The following ATP9A variants were observed in gnomAD, a reference collection of about 807,000 sequenced individuals.
ATP9A encodes the protein probable phospholipid-transporting ATPase IIA.
In ATP9A, 52 loss-of-function variants were observed where a neutral mutation model predicts 144.1. The ratio of observed to expected loss-of-function variants is 0.36; its 90% CI spans 0.29 to 0.45. The LOEUF (loss-of-function observed/expected upper bound fraction) is 0.45. Ranked by LOEUF, ATP9A falls within the 20% of genes least tolerant of loss-of-function variation. The pLI, the probability that ATP9A is intolerant of heterozygous loss-of-function variation, is 1.00. For synonymous variants in ATP9A, 582 were observed against 557.4 expected (o/e 1.04, Z -0.62); for missense variants, 947 against 1,392.7 (o/e 0.68, Z 5.09).
intron 4 of ATP9A, among the ~76,000 whole-genome samples, chr20:51,707,567 A>G (rs1028577986): frequency 6.6e-6 from 1 of 152,132 alleles, no homozygotes; most frequent in Admixed American, 6.6e-5. Context: ...CTGAGAACTT[A>G]AAGGATCTAC....
intron 4 of ATP9A, among the ~76,000 whole-genome samples, chr20:51,702,310 A>T (rs891456073): frequency 9.4e-5 from 14 of 149,560 alleles, no homozygotes; most frequent in African/African-American, 3.2e-4. Flanking sequence ...AAAAAAAAAA[A>T]TTAAATATCT....
At chr20:51,625,122 T>A in intron 18 of ATP9A, 70 bp downstream of exon 18, 1 of 1,475,420 alleles carries the variant, frequency 6.8e-7, no homozygotes, top group Non-Finnish European at 9.2e-7. Context: ...CCCCCTGTGA[T>A]CTCCCTGCAC....
At chr20:51,657,442 G>T (rs1376695923) in intron 13 of ATP9A, among the ~76,000 whole-genome samples, 1 of 152,042 alleles carries the variant, frequency 6.6e-6, no homozygotes, top group Non-Finnish European at 1.5e-5. Flanking sequence ...TGGTGTCGGG[G>T]GCTTTTGACA....
In ATP9A at chr20:51,605,008, A is replaced by G. The variant is rs1286128198; in HGVS notation, c.2816T>C (p.Met939Thr). Reference protein sequence around the residue: ...LISIYQGSTIMYGALLLFESE... With the variant: ...LISIYQGSTITYGALLLFESE... ...CTCAAACAGCAGCAGCGCCCCGTAC[A>G]TGATGGTGCTCCCTGCAAACACCAG... The change falls in exon 27 of 28, where the codon ATG (methionine) becomes ACG (threonine). Residue 939 changes from methionine (M) to threonine (T), a missense_variant. Met to Thr is a moderately conservative substitution (Grantham distance 81). Around this residue, in one of 2 missense-constraint regions of ATP9A, gnomAD observed 177 missense variants for 344.9 expected, o/e 0.51. Transcript: ENST00000338821. 2.5e-6 allele frequency: 4 copies of G among 1,609,008 alleles called. No individual in the cohort carries two copies. The highest frequency in any genetic ancestry group is 2.2e-5 in the East Asian group (1 of 44,468).
Position 51,613,669 on chromosome 20 carries a change from C to G in ATP9A, c.2571+8G>C, listed in dbSNP as rs369381459. On this transcript the variant is annotated splice_region_variant and intron_variant, in intron 23 of 27. Transcript: ENST00000338821. Reference sequence around the variant, plus strand: ...GCACATGTGCAGAGGGGCCAGCTGTCCACTCACCTGCATGGTGCTGATACA... The same window carrying G: ...GCACATGTGCAGAGGGGCCAGCTGTGCACTCACCTGCATGGTGCTGATACA... 88 of 1,611,426 alleles carry G rather than the reference C, an allele frequency of 5.5e-5. No individual in the cohort carries two copies. Among genetic ancestry groups the G allele is most frequent in the Non-Finnish European group, 7.0e-5 (83 of 1,178,552 alleles).
chr20:51,666,088 C>T (rs1379566904), intron 13 of ATP9A, among the ~76,000 whole-genome samples: 1 of 152,124 alleles, frequency 6.6e-6, no homozygotes, highest in Non-Finnish European at 1.5e-5. Flanking sequence ...CCTGGGTCAA[C>T]CTCAATAGTA....
chr20:51,622,256 T>C (rs1298662152), intron 18 of ATP9A, 84 bp from the exon 19 acceptor site: 26 of 1,112,884 alleles, frequency 2.3e-5, no homozygotes, highest in East Asian at 1.4e-4. Flanking sequence ...TCCAACAACA[T>C]GGAGCTGAAC....
intron 3 of ATP9A, among the ~76,000 whole-genome samples, chr20:51,720,229 C>T (rs2077682880): frequency 2.0e-5 from 3 of 152,148 alleles, no homozygotes; most frequent in Non-Finnish European, 4.4e-5. Context: ...CAAATAACTA[C>T]ACTTTAAAAA....
chr20:51,686,096 C>G (rs957317795), intron 9 of ATP9A, among the ~76,000 whole-genome samples: 1 of 152,092 alleles, frequency 6.6e-6, no homozygotes, highest in Non-Finnish European at 1.5e-5. Flanking sequence ...AACCATCATT[C>G]TCAGCAAACT....
chr20:51,617,915 C>T (rs527856488), intron 21 of ATP9A, among the ~76,000 whole-genome samples: 1 of 152,302 alleles, frequency 6.6e-6, no homozygotes, highest in East Asian at 1.9e-4. Flanking sequence ...GCGTGGCAAG[C>T]ACATTTTAAA....
intron 12 of ATP9A, 42 bp from the exon 13 acceptor site, chr20:51,670,151 A>C: frequency 6.8e-7 from 1 of 1,476,338 alleles, no homozygotes; most frequent in African/African-American, 1.4e-5. Context: ...GTCTCTCAGG[A>C]TGTTTGTTAT....
intron 1 of ATP9A, among the ~76,000 whole-genome samples, chr20:51,735,907 G>GTA (rs1448170242): frequency 6.6e-6 from 1 of 152,216 alleles, no homozygotes; most frequent in African/African-American, 2.4e-5. Context: ...CGGGCATTCA[G>GTA]TAGCGAACAG....
chr20:51,602,586 G>A (rs868001600), intron 27 of ATP9A, among the ~76,000 whole-genome samples: 2 of 152,190 alleles, frequency 1.3e-5, no homozygotes, highest in Non-Finnish European at 2.9e-5. Flanking sequence ...TTAGTTCCTG[G>A]AGCGCACAGT....
intron 1 of ATP9A, among the ~76,000 whole-genome samples, chr20:51,748,598 A>G (rs1272455421): frequency 2.0e-5 from 3 of 152,170 alleles, no homozygotes; most frequent in Non-Finnish European, 4.4e-5. Context: ...AATGGCAAGG[A>G]TGGACAAATA....
intron 18 of ATP9A, among the ~76,000 whole-genome samples, chr20:51,623,031 G>C (rs1025984827): frequency 1.1e-4 from 17 of 152,162 alleles, no homozygotes; most frequent in Non-Finnish European, 1.5e-5. Flanking sequence ...AAGAGCTTCA[G>C]TCATTTGCCA....
chr20:51,757,151 C>G (rs1002981570), intron 1 of ATP9A, among the ~76,000 whole-genome samples: 1 of 152,098 alleles, frequency 6.6e-6, no homozygotes, highest in Admixed American at 6.6e-5. Flanking sequence ...GCCTCCATAA[C>G]AGGGAATCAT....
At chr20:51,753,147 CTTGTA>C in intron 1 of ATP9A, among the ~76,000 whole-genome samples, 1 of 151,772 alleles carries the variant, frequency 6.6e-6, no homozygotes, top group African/African-American at 2.4e-5. Context: ...GAAAACATTA[CTTGTA>C]AAGTGAAAAT....
At chr20:51,754,227 C>T (rs776683938) in intron 1 of ATP9A, among the ~76,000 whole-genome samples, 2 of 152,074 alleles carry the variant, frequency 1.3e-5, no homozygotes, top group Non-Finnish European at 2.9e-5. Context: ...CAACGCTGGG[C>T]GCGGTGGCTC....
intron 13 of ATP9A, among the ~76,000 whole-genome samples, chr20:51,659,708 T>C (rs2077403400): frequency 6.6e-6 from 1 of 152,210 alleles, no homozygotes; most frequent in African/African-American, 2.4e-5. Flanking sequence ...TGACACCCGA[T>C]TGCCCAAAAT....
Sources: gnomAD v4.1 joint callset for allele counts (sites outside exome capture counted in the v4.1 genomes callset) on GRCh38, gnomAD v4.1.1 for gene constraint, gnomAD v4.1.1 regional missense constraint, MANE v1.5 for transcripts, NCBI Gene and HGNC (gene_info 2026-07-23, HGNC 2026-07-21) for gene names.